The following FOXP4 variants were observed in gnomAD, a reference collection of about 807,000 sequenced individuals.
FOXP4 encodes the protein forkhead box protein P4.
FOXP4 carries 25 observed loss-of-function variants against 82.6 expected under a neutral mutation model. The observed-to-expected ratio is 0.30, with a 90% CI of 0.22 to 0.42. FOXP4 has a LOEUF of 0.42. Ranked by LOEUF, FOXP4 falls within the 10% of genes least tolerant of loss-of-function variation. The pLI, the probability that FOXP4 is intolerant of heterozygous loss-of-function variation, is 1.00. For missense variants in FOXP4, 785 were observed against 900.9 expected, an observed-to-expected ratio of 0.87 and a Z score of 1.65; for synonymous variants, 415 against 388.2, an observed-to-expected ratio of 1.07 and a Z score of -0.81.
intron 3 of FOXP4, among the ~76,000 whole-genome samples, chr6:41,583,819 C>T (rs1765940928): frequency 6.6e-6 from 1 of 152,180 alleles, no homozygotes; most frequent in Non-Finnish European, 1.5e-5. Flanking sequence ...GATGTCATTG[C>T]TTTTCTCTGA....
intron 14 of FOXP4, 110 bp from the exon 15 acceptor site, chr6:41,597,066 A>T: frequency 3.5e-6 from 4 of 1,133,674 alleles, no homozygotes; most frequent in Non-Finnish European, 5.3e-6. Flanking sequence ...CTCCCGGAAT[A>T]GGGAATGGGA....
At position 41,588,742 on chromosome 6, in the gene FOXP4, G is replaced by C. The variant is rs756073546; in HGVS notation, c.1065+11G>C. On this transcript the variant is annotated intron_variant, in intron 9 of 16. Transcript: ENST00000307972. ...CAGCTGGAGATCCAGGTGTGGCCCG[G>C]AAGATGCTGGGGAGGGACATGGTGG... The C allele has an allele frequency of 5.6e-6, 9 of 1,612,980 alleles. No individual in the cohort carries two copies. In the East Asian group the frequency reaches 1.8e-4, roughly 32 times the overall value.
At position 41,584,771 on chromosome 6, in the gene FOXP4, GC is replaced by G; in HGVS notation, c.305del (p.Pro102LeufsTer6). On this transcript the variant is annotated frameshift_variant, in exon 4 of 17. Coordinates refer to ENST00000307972, the MANE Select transcript of FOXP4 (RefSeq NM_001012426.2). LOFTEE classifies it high-confidence loss of function. ...SKQSASAVQV[P>X]VSVAMMSPQM... ...GGCTAACGGGCCGAATCCTGCAGGT[GC>G]CTGTGTCGGTGGCCATGATGTCGCC... 1 of 1,588,046 alleles carries G rather than the reference GC, an allele frequency of 6.3e-7. No homozygotes were observed. The highest frequency in any genetic ancestry group is 8.6e-7 in the Non-Finnish European group (1 of 1,167,286).
Position 41,590,591 on chromosome 6 carries a change from G to A in FOXP4, c.1434+244G>A, listed in dbSNP as rs184970584. 3.9e-5 allele frequency among the ~76,000 whole-genome samples: 6 copies of A among 152,244 alleles called. No homozygotes were observed. In the East Asian group the frequency reaches 9.6e-4, roughly 24 times the overall value. ...ACTGTTCTTCTTACTGACACCCACCGTGGCATTCATGTGCTCATTTCCACG... is the reference window on the plus strand; with the variant it reads ...ACTGTTCTTCTTACTGACACCCACCATGGCATTCATGTGCTCATTTCCACG... On this transcript the variant is annotated intron_variant, in intron 12 of 16. Transcript: ENST00000307972.
intron 1 of FOXP4, among the ~76,000 whole-genome samples, chr6:41,563,493 A>G (rs1327389565): frequency 2.0e-5 from 3 of 152,174 alleles, no homozygotes; most frequent in Non-Finnish European, 4.4e-5. Flanking sequence ...CCGTGTGGTT[A>G]TAGGGTGTGC....
In FOXP4 at chr6:41,582,554, G is replaced by A. The variant is rs534107198; in HGVS notation, c.301-2215G>A. 1.2e-4 allele frequency among the ~76,000 whole-genome samples: 18 copies of A among 152,332 alleles called. No individual in the cohort carries two copies. The East Asian group carries it at 3.3e-3, about 28-fold the overall frequency. On this transcript the variant is annotated intron_variant, in intron 3 of 16. Transcript: ENST00000307972. Reference sequence around the variant, plus strand: ...GCACCAAGATGCCTCTCTTTGTTGGGCACCCCCTTGGGAGGAGGAAAGAAA... The same window carrying A: ...GCACCAAGATGCCTCTCTTTGTTGGACACCCCCTTGGGAGGAGGAAAGAAA...
intron 2 of FOXP4, among the ~76,000 whole-genome samples, chr6:41,573,952 A>G (rs1452639665): frequency 1.3e-5 from 2 of 152,106 alleles, no homozygotes; most frequent in African/African-American, 2.4e-5. Flanking sequence ...TAGAAGGAGG[A>G]AAAAAATGAG....
chr6:41,576,426 G>A (rs1016534789), intron 2 of FOXP4, among the ~76,000 whole-genome samples: 4 of 152,196 alleles, frequency 2.6e-5, no homozygotes, highest in Non-Finnish European at 4.4e-5. Context: ...CTTGTTGAGC[G>A]ATGATGGGTG....
chr6:41,598,719 G>A, intron 16 of FOXP4, 70 bp from the exon 17 acceptor site: 1 of 1,546,538 alleles, frequency 6.5e-7, no homozygotes, highest in Non-Finnish European at 8.7e-7. Context: ...TTCTGGGTGA[G>A]TTTGGGGGGC....
At chr6:41,555,952 C>T (rs1581703131) in intron 1 of FOXP4, among the ~76,000 whole-genome samples, 1 of 152,128 alleles carries the variant, frequency 6.6e-6, no homozygotes, top group South Asian at 2.1e-4. Flanking sequence ...TTTTTTCCCC[C>T]TGTATTGTTA....
At chr6:41,564,843 G>A (rs186384320) in intron 1 of FOXP4, among the ~76,000 whole-genome samples, 23 of 152,304 alleles carry the variant, frequency 1.5e-4, no homozygotes, top group Admixed American at 1.2e-3. Context: ...CCTCCATGAC[G>A]AAGCCCAGTG....
chr6:41,553,306 A>G (rs1279905674), intron 1 of FOXP4, among the ~76,000 whole-genome samples: 1 of 151,568 alleles, frequency 6.6e-6, no homozygotes, highest in Non-Finnish European at 1.5e-5. Flanking sequence ...CATGTTATCA[A>G]TTAATTGAAT....
chr6:41,598,055 C>T lies in FOXP4; in HGVS notation c.1895+105C>T, dbSNP rs1235653657. The T allele has an allele frequency of 4.2e-5, 39 of 933,574 alleles. No individual in the cohort carries two copies. In the African/African-American group the frequency reaches 5.1e-4, roughly 12 times the overall value. The allele number at this position is 933,574 out of a possible 1,614,324, so 57.8% of individuals were successfully genotyped here. ...GGGGTTCCCCATCCCACCCCCACCACGCCTCTCCCCAGGACAAGTGGCTTC... is the reference window on the plus strand; with the variant it reads ...GGGGTTCCCCATCCCACCCCCACCATGCCTCTCCCCAGGACAAGTGGCTTC... On this transcript the variant is annotated intron_variant, in intron 16 of 16. Transcript: ENST00000307972.
intron 14 of FOXP4, among the ~76,000 whole-genome samples, chr6:41,595,581 A>AT (rs1278147723): frequency 1.3e-5 from 2 of 151,934 alleles, no homozygotes; most frequent in African/African-American, 4.8e-5. Context: ...TTTATTTATT[A>AT]TTTTTTTAAT....
At chr6:41,562,190 A>C (rs1764621418) in intron 1 of FOXP4, among the ~76,000 whole-genome samples, 1 of 152,168 alleles carries the variant, frequency 6.6e-6, no homozygotes, top group Non-Finnish European at 1.5e-5. Flanking sequence ...TTCAGAAAGC[A>C]CTTCGGAGTG....
chr6:41,595,006 A>G lies in FOXP4; in HGVS notation c.1658+15A>G. 1.2e-6 allele frequency: 2 copies of G among 1,613,846 alleles called. No individual in the cohort carries two copies. Among genetic ancestry groups the G allele is most frequent in the Non-Finnish European group, 1.7e-6 (2 of 1,179,934 alleles). Reference sequence around the variant, plus strand: ...AAGATGACAGGGTATGTGGGTCCAGAGCTGGATGGGCTGTACCTGCCCAGG... The same window carrying G: ...AAGATGACAGGGTATGTGGGTCCAGGGCTGGATGGGCTGTACCTGCCCAGG... On this transcript the variant is annotated intron_variant, in intron 14 of 16. Transcript: ENST00000307972.
intron 2 of FOXP4, among the ~76,000 whole-genome samples, chr6:41,567,776 A>G (rs1223387755): frequency 1.3e-5 from 2 of 152,232 alleles, no homozygotes; most frequent in Non-Finnish European, 2.9e-5. Context: ...CACATGAGCC[A>G]TGTTTTCCCA....
intron 2 of FOXP4, among the ~76,000 whole-genome samples, chr6:41,566,538 A>G (rs114538607): frequency 6.6e-6 from 1 of 152,166 alleles, no homozygotes; most frequent in Non-Finnish European, 1.5e-5. Flanking sequence ...TCTGTGTCTT[A>G]TATTTCCTCT....
intron 2 of FOXP4, among the ~76,000 whole-genome samples, chr6:41,571,313 G>A (rs1439571845): frequency 1.3e-5 from 2 of 152,244 alleles, no homozygotes; most frequent in Admixed American, 6.5e-5. Context: ...GGCAGAGGCC[G>A]GGCACTGCTG....
Sources: gnomAD v4.1 joint callset for allele counts (sites outside exome capture counted in the v4.1 genomes callset) on GRCh38, gnomAD v4.1.1 for gene constraint, MANE v1.5 for transcripts, NCBI Gene and HGNC (gene_info 2026-07-23, HGNC 2026-07-21) for gene names.